The following GLDN variants were observed in gnomAD, a reference collection of about 807,000 sequenced individuals.
GLDN encodes the protein collomin.
GLDN carries 47 observed loss-of-function variants against 56.5 expected under a neutral mutation model. The ratio of observed to expected loss-of-function variants is 0.83; its 90% CI spans 0.66 to 1.06. The LOEUF is 1.06. GLDN is among the 50% of genes least tolerant of loss of function. The pLI is 0.00. For synonymous variants in GLDN, 332 were observed against 278.8 expected (o/e 1.19, Z -1.90); for missense variants, 782 against 714.3 (o/e 1.09, Z -1.08).
chr15:51,398,872 A>G (rs1020246246), intron 6 of GLDN, among the ~76,000 whole-genome samples: 2 of 152,198 alleles, frequency 1.3e-5, no homozygotes, highest in Non-Finnish European at 2.9e-5. Flanking sequence ...CTAATTTGCC[A>G]CAGGCTCTGC....
chr15:51,389,478 G>A (rs1388703945), intron 4 of GLDN, among the ~76,000 whole-genome samples: 1 of 152,148 alleles, frequency 6.6e-6, no homozygotes, highest in African/African-American at 2.4e-5. Context: ...TACTTCATAG[G>A]AGGCAATACT....
chr15:51,352,919 G>T (rs188906226), intron 1 of GLDN, among the ~76,000 whole-genome samples: 27 of 146,550 alleles, frequency 1.8e-4, no homozygotes, highest in Non-Finnish European at 3.0e-5. Flanking sequence ...GGCTTGGGAA[G>T]CACAGCACCT....
chr15:51,399,911 C>T (rs1595839957), intron 6 of GLDN, among the ~76,000 whole-genome samples: 2 of 152,298 alleles, frequency 1.3e-5, no homozygotes, highest in South Asian at 2.1e-4. Context: ...CTGGCTCAGG[C>T]CACTTTGTTG....
intron 4 of GLDN, among the ~76,000 whole-genome samples, chr15:51,394,486 G>A (rs1483482196): frequency 6.6e-6 from 1 of 152,124 alleles, no homozygotes; most frequent in African/African-American, 2.4e-5. Flanking sequence ...GGTGGCTCAC[G>A]CCTATAATCC....
At chr15:51,384,203 T>G in intron 4 of GLDN, 3 of 371,926 alleles carry the variant, frequency 8.1e-6, no homozygotes, top group Non-Finnish European at 1.5e-5. Context: ...GTGGGCCGTG[T>G]GACAGCTGGT....
intron 1 of GLDN, among the ~76,000 whole-genome samples, chr15:51,374,170 C>T (rs1421811512): frequency 6.6e-6 from 1 of 152,130 alleles, no homozygotes; most frequent in Non-Finnish European, 1.5e-5. Context: ...TTTACAGAAG[C>T]TGCACCTGCC....
At chr15:51,355,525 C>CTTT (rs147021073) in intron 1 of GLDN, among the ~76,000 whole-genome samples, 5 of 126,442 alleles carry the variant, frequency 4.0e-5, no homozygotes, top group African/African-American at 8.8e-5. Flanking sequence ...TTCTTTCTTT[C>CTTT]TTTTTTTTTT....
chr15:51,400,949 A>C (rs2038236282), intron 8 of GLDN, among the ~76,000 whole-genome samples: 1 of 152,158 alleles, frequency 6.6e-6, no homozygotes, highest in Non-Finnish European at 1.5e-5. Flanking sequence ...GTGAAGTTCC[A>C]CCTTGCAGTC....
intron 9 of GLDN, among the ~76,000 whole-genome samples, chr15:51,402,065 TC>T (rs1403843576): frequency 2.0e-5 from 3 of 152,084 alleles, no homozygotes; most frequent in Non-Finnish European, 4.4e-5. Context: ...AACTCATAGC[TC>T]CCCCTGGTGG....
chr15:51,380,103 C>T (rs1026272117), intron 2 of GLDN, among the ~76,000 whole-genome samples: 5 of 152,152 alleles, frequency 3.3e-5, no homozygotes, highest in Non-Finnish European at 7.3e-5. Flanking sequence ...GAGGACACAT[C>T]ATGGGGCAAG....
Position 51,367,626 on chromosome 15 carries a change from C to T in GLDN, c.364-9823C>T, listed in dbSNP as rs1043282850. Among the ~76,000 whole-genome samples the T allele has an allele frequency of 2.0e-5, 3 of 152,174 alleles. No homozygotes were observed. In the South Asian group the frequency reaches 6.2e-4, roughly 32 times the overall value. ...CAAAACAAATGACTCGAGAATAAGC[C>T]CTACCCCTTGAAAGGCAGGCTGGCG... On this transcript the variant is annotated intron_variant, in intron 1 of 9. Transcript: ENST00000335449.
chr15:51,347,044 G>A (rs541044149), intron 1 of GLDN, among the ~76,000 whole-genome samples: 4 of 152,224 alleles, frequency 2.6e-5, no homozygotes, highest in South Asian at 2.1e-4. Context: ...CCAGCTGGGC[G>A]ACAGAGGAGG....
chr15:51,356,719 A>C (rs75083174), intron 1 of GLDN, among the ~76,000 whole-genome samples: 1,529 of 152,306 alleles, frequency 0.01, 22 homozygotes, highest in African/African-American at 0.035. Flanking sequence ...CAGCTTTAAA[A>C]AGGTGGCGAT....
intron 4 of GLDN, among the ~76,000 whole-genome samples, chr15:51,385,734 G>A (rs1039225989): frequency 6.6e-6 from 1 of 152,278 alleles, no homozygotes. Flanking sequence ...GGGTTTCTGG[G>A]GCAGAGGGCT....
chr15:51,344,297 A>G (rs1010444978), intron 1 of GLDN, among the ~76,000 whole-genome samples: 1 of 152,138 alleles, frequency 6.6e-6, no homozygotes, highest in Non-Finnish European at 1.5e-5. Flanking sequence ...TCCTATCGAT[A>G]GTAGCTGTGT....
chr15:51,397,522 A>T lies in GLDN; in HGVS notation c.741A>T (p.Pro247=), dbSNP rs1322012398. 1 of 1,597,124 alleles carries T rather than the reference A, an allele frequency of 6.3e-7. No homozygotes were observed. The highest frequency in any genetic ancestry group is 2.3e-5 in the East Asian group (1 of 43,252). ...GTCCACCTGGGCCCCCAGGCCCTCC[A>T]GGTCCTCCAGGGCCCCCTGGAAGCA... is the stretch of plus-strand genomic sequence containing the variant. ...PPGPPGPPGP[P]GPPGPPGSRR... The change falls in exon 6 of 10, where the codon CCA becomes CCT. Residue 247 remains proline (P), a synonymous_variant. Coordinates refer to ENST00000335449, the MANE Select transcript of GLDN (RefSeq NM_181789.4).
intron 1 of GLDN, among the ~76,000 whole-genome samples, chr15:51,369,321 A>C (rs2037469572): frequency 6.6e-6 from 1 of 152,226 alleles, no homozygotes; most frequent in African/African-American, 2.4e-5. Flanking sequence ...GAGTCATACA[A>C]AGTATTCAGT....
At chr15:51,368,340 G>C (rs2037447398) in intron 1 of GLDN, among the ~76,000 whole-genome samples, 1 of 151,856 alleles carries the variant, frequency 6.6e-6, no homozygotes, top group Non-Finnish European at 1.5e-5. Flanking sequence ...ACGCTGCTGG[G>C]CACAGAAACG....
At chr15:51,360,567 T>G (rs1200160405) in intron 1 of GLDN, 1 of 152,316 alleles carries the variant, frequency 6.6e-6, no homozygotes, top group Non-Finnish European at 1.5e-5. Flanking sequence ...GCCAGGAAAC[T>G]AACTTCCTCC....
Sources: allele counts gnomAD v4.1 joint callset (sites outside exome capture counted in the v4.1 genomes callset), GRCh38; gene constraint gnomAD v4.1.1; transcripts MANE v1.5; gene names NCBI Gene and HGNC (gene_info 2026-07-23, HGNC 2026-07-21).